Variants in PDE4D observed in about 807,000 individuals in gnomAD.
PDE4D encodes the protein 3',5'-cyclic-AMP phosphodiesterase 4D.
In PDE4D, 24 loss-of-function variants were observed where a neutral mutation model predicts 87.4. That is an observed-to-expected ratio of 0.27 (90% CI 0.20 to 0.39). The LOEUF is 0.39. Ranked by LOEUF, PDE4D falls within the 10% of genes least tolerant of loss-of-function variation. PDE4D has a pLI of 1.00. For synonymous variants in PDE4D, 384 were observed against 383.2 expected (o/e 1.00, Z -0.02); for missense variants, 714 against 1,041.0 (o/e 0.69, Z 4.32).
intron 1 of PDE4D, among the ~76,000 whole-genome samples, chr5:59,346,034 T>C (rs552627043): frequency 1.6e-4 from 25 of 152,088 alleles, no homozygotes; most frequent in Admixed American, 4.6e-4. Flanking sequence ...ACTAACAAAA[T>C]GAGAATAAAG....
At chr5:59,023,556 T>C (rs940363321) in intron 6 of PDE4D, among the ~76,000 whole-genome samples, 8 of 151,920 alleles carry the variant, frequency 5.3e-5, no homozygotes, top group African/African-American at 1.9e-4. Context: ...CTCAGGAGGC[T>C]GAGGTGGGAG....
chr5:59,326,628 T>C (rs553869397), intron 1 of PDE4D, among the ~76,000 whole-genome samples: 273 of 152,288 alleles, frequency 1.8e-3, no homozygotes, highest in African/African-American at 6.3e-3. Flanking sequence ...GCATTATATT[T>C]CCACTGGGTA....
intron 1 of PDE4D, among the ~76,000 whole-genome samples, chr5:59,467,227 T>C (rs1259954298): frequency 1.3e-5 from 2 of 152,208 alleles, no homozygotes; most frequent in African/African-American, 2.4e-5. Flanking sequence ...CACTTTGTTA[T>C]GGCAGCCTCA....
chr5:59,267,508 T>G (rs890974060), intron 1 of PDE4D, among the ~76,000 whole-genome samples: 21 of 152,076 alleles, frequency 1.4e-4, no homozygotes, highest in South Asian at 4.1e-4. Context: ...AATGAAACAT[T>G]TATTTTAACA....
chr5:60,465,892 A>G (rs1191466968), intron 1 of PDE4D, among the ~76,000 whole-genome samples: 3 of 152,218 alleles, frequency 2.0e-5, no homozygotes, highest in East Asian at 1.9e-4. Flanking sequence ...GAAAAAAAAA[A>G]AAAGAAAAGG....
chr5:59,000,834 G>A lies in PDE4D; in HGVS notation c.922-7369C>T, dbSNP rs927793039. ...CTCCCGAGAAGCTGGGATTACAGGC[G>A]CCCACCACCACGCCTGGCTAATTTT... is the stretch of plus-strand genomic sequence containing the variant. On this transcript the variant is annotated intron_variant, in intron 6 of 14. Transcript: ENST00000340635. Among the ~76,000 whole-genome samples, 9 of 151,932 alleles carry A rather than the reference G, an allele frequency of 5.9e-5. No individual in the cohort carries two copies. The South Asian group carries it at 1.5e-3, about 25-fold the overall frequency.
intron 1 of PDE4D, among the ~76,000 whole-genome samples, chr5:59,659,763 C>T (rs998106313): frequency 2.0e-5 from 3 of 152,212 alleles, no homozygotes; most frequent in African/African-American, 7.2e-5. Context: ...CCTTCTGCTA[C>T]AGTGTGCACG....
intron 6 of PDE4D, among the ~76,000 whole-genome samples, chr5:59,007,804 G>A (rs1751931743): frequency 6.6e-6 from 1 of 151,856 alleles, no homozygotes; most frequent in Admixed American, 6.6e-5. Flanking sequence ...AACAAGCTGA[G>A]AATCGTTCTC....
chr5:59,801,509 T>A (rs1461174771), intron 1 of PDE4D, among the ~76,000 whole-genome samples: 1 of 152,180 alleles, frequency 6.6e-6, no homozygotes, highest in Admixed American at 6.5e-5. Flanking sequence ...ACAAGATTAG[T>A]GAAGTTAGAA....
At chr5:59,872,578 T>C (rs538062270) in intron 1 of PDE4D, among the ~76,000 whole-genome samples, 1 of 152,318 alleles carries the variant, frequency 6.6e-6, no homozygotes, top group Non-Finnish European at 1.5e-5. Context: ...CCCTGCATAG[T>C]AATGGTTCAA....
chr5:59,037,657 G>T (rs1358661149), intron 6 of PDE4D, among the ~76,000 whole-genome samples: 2 of 152,106 alleles, frequency 1.3e-5, no homozygotes, highest in Admixed American at 6.6e-5. Flanking sequence ...ATATGGGTAG[G>T]TTAGTATCTG....
chr5:58,988,290 A>T (rs1746967754), intron 11 of PDE4D, among the ~76,000 whole-genome samples: 1 of 152,192 alleles, frequency 6.6e-6, no homozygotes, highest in African/African-American at 2.4e-5. Context: ...GAACTGGAAC[A>T]CATTTTTCAA....
At chr5:59,732,897 T>TGTTAAGTGACTTTCAC (rs1757573863) in intron 1 of PDE4D, among the ~76,000 whole-genome samples, 1 of 89,156 alleles carries the variant, frequency 1.1e-5, no homozygotes, top group African/African-American at 3.9e-5. Flanking sequence ...ATTTAATATT[T>TGTTAAGTGACTTTCAC]ATTAAGTGAC....
intron 1 of PDE4D, among the ~76,000 whole-genome samples, chr5:59,693,168 T>C (rs1004860454): frequency 1.3e-5 from 2 of 151,672 alleles, no homozygotes; most frequent in Non-Finnish European, 2.9e-5. Flanking sequence ...ATAAACAACA[T>C]AACTGAAGGA....
At chr5:60,009,288 T>A (rs1404614140) in intron 2 of PDE4D, among the ~76,000 whole-genome samples, 1 of 152,076 alleles carries the variant, frequency 6.6e-6, no homozygotes, top group Non-Finnish European at 1.5e-5. Flanking sequence ...AGTGACCTAA[T>A]ACAAGCTCCA....
chr5:59,641,201 A>G (rs772887281), intron 1 of PDE4D, among the ~76,000 whole-genome samples: 2 of 152,192 alleles, frequency 1.3e-5, no homozygotes, highest in African/African-American at 2.4e-5. Context: ...CTCAGTTTTT[A>G]CTTTTGGCTG....
intron 1 of PDE4D, among the ~76,000 whole-genome samples, chr5:59,533,554 T>C (rs188935404): frequency 6.6e-6 from 1 of 152,292 alleles, no homozygotes; most frequent in East Asian, 1.9e-4. Context: ...AACATTACAG[T>C]GTTTGGCGAC....
chr5:59,227,944 G>T (rs894050093), intron 1 of PDE4D, among the ~76,000 whole-genome samples: 1 of 152,008 alleles, frequency 6.6e-6, no homozygotes, highest in East Asian at 1.9e-4. Context: ...ATAAAGATAC[G>T]TGCATGCATG....
intron 1 of PDE4D, among the ~76,000 whole-genome samples, chr5:59,481,015 C>T (rs558286400): frequency 6.6e-6 from 1 of 152,240 alleles, no homozygotes; most frequent in Admixed American, 6.5e-5. Flanking sequence ...TTCCTGAAGG[C>T]TCTTTGTCTC....
Sources: allele counts gnomAD v4.1 joint callset (sites outside exome capture counted in the v4.1 genomes callset), GRCh38; gene constraint gnomAD v4.1.1; transcripts MANE v1.5; gene names NCBI Gene and HGNC (gene_info 2026-07-23, HGNC 2026-07-21).